Variants in PIM2 observed in about 807,000 individuals in gnomAD.
PIM2 encodes the protein Pim-2 proto-oncogene, serine/threonine kinase.
In PIM2, 3 loss-of-function variants were observed where a neutral mutation model predicts 18.0. The ratio of observed to expected loss-of-function variants is 0.17; its 90% confidence interval spans 0.08 to 0.43. PIM2 has a LOEUF of 0.43. Among genes scored for constraint, PIM2 ranks in the 20% least tolerant of loss-of-function variants. The pLI is 0.99. For synonymous variants in PIM2, 117 were observed against 105.3 expected, an observed-to-expected ratio of 1.11 and a Z score of -0.68; for missense variants, 181 against 260.8, an observed-to-expected ratio of 0.69 and a Z score of 2.11.
rs782627335 is a variant in PIM2 at position 48,914,281 on chromosome X, T to G, written c.786A>C (p.Leu262=). ...PAHVSPDCCA[L]IRRCLAPKPS... ...GTTTGGGGGCCAGGCACCGGCGGAT[T>G]AGGGCACAGCAGTCTGTAGGCCAAG... The change falls in exon 6 of 6, where the codon CTA becomes CTC. Residue 262 remains leucine, a synonymous_variant. Transcript: ENST00000376509. 9 of 1,210,015 alleles carry G rather than the reference T, an allele frequency of 7.4e-6. No homozygotes were observed. In the South Asian group the frequency reaches 1.6e-4, roughly 21 times the overall value.
Position 48,915,223 on chromosome X carries a change from T to G in PIM2, c.392A>C (p.Glu131Ala), listed in dbSNP as rs1557045109. 3 of 1,212,246 alleles carry G rather than the reference T, an allele frequency of 2.5e-6. No homozygotes were observed. The highest frequency in any genetic ancestry group is 3.4e-6 in the Non-Finnish European group (3 of 895,521). ...PAQDLFDYIT[E>A]KGPLGEGPSR... Reference sequence around the variant, plus strand: ...TGGGCCTTCACCCAGTGGGCCCTTCTCTGTGATATAGTCAAAGAGATCCTG... The same window carrying G: ...TGGGCCTTCACCCAGTGGGCCCTTCGCTGTGATATAGTCAAAGAGATCCTG... The change falls in exon 4 of 6, where the codon GAG becomes GCG. Residue 131 changes from glutamate (E) to alanine (A), a missense_variant. By Grantham distance (107) the Glu-to-Ala change is moderately radical. Coordinates refer to ENST00000376509, the MANE Select transcript of PIM2 (RefSeq NM_006875.4).
chrX:48,915,051 C>A lies in PIM2; in HGVS notation c.564G>T (p.Leu188=). The A allele has an allele frequency of 8.3e-7, 1 of 1,208,032 alleles. No homozygotes were observed. The highest frequency in any genetic ancestry group is 1.1e-6 in the Non-Finnish European group (1 of 892,595). ...AGTCAGTGTAGGGTTCATCATGAAG[C>A]AGGGCACCAGAACCAAAATCAATGA... The part of the protein sequence containing the change: ...AKLIDFGSGA[L]LHDEPYTDFD... Residue 188 remains leucine (L), a synonymous_variant, in exon 4 of 6, where the codon CTG becomes CTT. Transcript: ENST00000376509.
At chrX:48,916,448 A>T (rs1231323526) in intron 3 of PIM2, among the ~76,000 whole-genome samples, 1 of 112,914 alleles carries the variant, frequency 8.9e-6, no homozygotes, top group Non-Finnish European at 1.9e-5. Context: ...GCAGTGGCTC[A>T]CGCCTGTAAT....
At chrX:48,916,014 C>T (rs1429407851) in intron 3 of PIM2, among the ~76,000 whole-genome samples, 1 of 112,734 alleles carries the variant, frequency 8.9e-6, no homozygotes, top group Admixed American at 9.3e-5. Context: ...TAGAATAGTA[C>T]CTTACACAGG....
At chrX:48,914,895 C>T in intron 4 of PIM2, 125 bp downstream of exon 4, 2 of 615,476 alleles carry the variant, frequency 3.2e-6, no homozygotes, top group Non-Finnish European at 5.0e-6. Flanking sequence ...CCAGTATTAG[C>T]AATCGATCAT....
Position 48,914,261 on chromosome X carries a change from G to T in PIM2, c.806C>A (p.Pro269His). The change falls in exon 6 of 6, where the codon CCC becomes CAC. Residue 269 changes from proline (P) to histidine (H), a missense_variant. By Grantham distance (77) the Pro-to-His change is moderately conservative. Around this residue, in one of 5 missense-constraint regions of PIM2, gnomAD observed 41 missense variants for 52.0 expected, o/e 0.79. Coordinates refer to ENST00000376509, the MANE Select transcript of PIM2 (RefSeq NM_006875.4). ...CAGTGAGGGTCGGGAAGAAGGTTTG[G>T]GGGCCAGGCACCGGCGGATTAGGGC... ...CCALIRRCLA[P>H]KPSSRPSLEE... 8.3e-7 allele frequency: 1 copy of T among 1,209,342 alleles called. No homozygotes were observed.
rs1220899756 is a variant in PIM2, at chrX:48,914,153, A to G, written c.914T>C (p.Leu305Ser). Reference sequence around the variant, plus strand: ...GGCTTAGGGTAGCAAGGACCAGGCCAAAGGGGCAGGGCCTCCTTTGGAGGG... The same window carrying G: ...GGCTTAGGGTAGCAAGGACCAGGCCGAAGGGGCAGGGCCTCCTTTGGAGGG... The part of the protein sequence containing the change: ...LNPSKGGPAP[L>S]AWSLLP The change falls in exon 6 of 6, where the codon TTG becomes TCG. Residue 305 changes from leucine (L) to serine (S), a missense_variant. Leu to Ser is a moderately radical substitution (Grantham distance 145, BLOSUM62 -2). Transcript: ENST00000376509. The G allele has an allele frequency of 8.7e-7, 1 of 1,147,223 alleles. No homozygotes were observed. Among genetic ancestry groups the G allele is most frequent in the Non-Finnish European group, 1.2e-6 (1 of 865,499 alleles). 94.5% of individuals were successfully genotyped at this position (1,147,223 alleles called of 1,213,427 possible). A position where few individuals can be genotyped will look rare whatever the true frequency, so the allele number is the denominator to read the frequency against.
rs1557044937 is a variant in PIM2 at position 48,914,204 on chromosome X, G to A, written c.863C>T (p.Thr288Ile). Residue 288 changes from threonine (T) to isoleucine (I), a missense_variant, in exon 6 of 6, where the codon ACA becomes ATA. Coordinates refer to ENST00000376509, the MANE Select transcript of PIM2 (RefSeq NM_006875.4). Reference protein sequence around the residue: ...EEILLDPWMQTPAEDVPLNPS... With the variant: ...EEILLDPWMQIPAEDVPLNPS... The stretch of plus-strand genomic sequence containing the variant: ...GTTGAGGGGTACATCCTCGGCTGGT[G>A]TTTGCATCCAGGGGTCCAGCAGGAT... 3.4e-6 allele frequency: 4 copies of A among 1,190,345 alleles called. No individual in the cohort carries two copies. The highest frequency in any genetic ancestry group is 4.5e-6 in the Non-Finnish European group (4 of 885,226).
chrX:48,918,983 G>C lies in PIM2; in HGVS notation c.-149C>G. The C allele has an allele frequency of 2.1e-6, 1 of 472,870 alleles. No individual in the cohort carries two copies. The allele number at this position is 472,870 out of a possible 1,213,427, so 39.0% of individuals were successfully genotyped here. On this transcript the variant is annotated 5_prime_UTR_variant, in exon 1 of 6. Transcript: ENST00000376509. ...TGGCCCGGAAGCGCCCGCAGACGGCGCAGCGTTGAGATTCGCCGCGCGCGC... is the reference window on the plus strand; with the variant it reads ...TGGCCCGGAAGCGCCCGCAGACGGCCCAGCGTTGAGATTCGCCGCGCGCGC...
rs782705507 is a variant in PIM2, at chrX:48,915,203, C to T, written c.412G>A (p.Gly138Ser). 5.8e-6 allele frequency: 7 copies of T among 1,211,038 alleles called. No homozygotes were observed. The Admixed American group carries it at 1.5e-4, about 26-fold the overall frequency. Reference protein sequence around the residue: ...YITEKGPLGEGPSRCFFGQVV... With the variant: ...YITEKGPLGESPSRCFFGQVV... ...TGGCCAAAGAAGCAGCGGCTTGGGCCTTCACCCAGTGGGCCCTTCTCTGTG... is the reference window on the plus strand; with the variant it reads ...TGGCCAAAGAAGCAGCGGCTTGGGCTTTCACCCAGTGGGCCCTTCTCTGTG... The change falls in exon 4 of 6, where the codon GGC becomes AGC. Residue 138 changes from glycine to serine, a missense_variant. This residue lies in a region of PIM2 where 104 missense variants were observed against 125.3 expected (regional missense o/e 0.83). Transcript: ENST00000376509.
intron 3 of PIM2, among the ~76,000 whole-genome samples, chrX:48,916,870 T>C (rs782459487): frequency 1.2e-3 from 117 of 101,573 alleles, no homozygotes; most frequent in Non-Finnish European, 2.0e-3. Flanking sequence ...AAGTCATAAA[T>C]GCAGCCGGGC....
intron 2 of PIM2, 128 bp downstream of exon 2, chrX:48,918,408 C>G (rs1444063035): frequency 9.0e-6 from 4 of 446,246 alleles, no homozygotes; most frequent in East Asian, 4.3e-5. Context: ...GACACGGACA[C>G]ACACACACAC....
chrX:48,914,598 A>G, intron 4 of PIM2, 27 bp from the exon 5 acceptor site: 3 of 1,167,213 alleles, frequency 2.6e-6, no homozygotes, highest in East Asian at 3.0e-5. Context: ...GGTTAGACCA[A>G]CTCAATCTCA....
In PIM2 at chrX:48,915,309, C is replaced by A; in HGVS notation, c.306G>T (p.Leu102=). 1 of 1,211,515 alleles carries A rather than the reference C, an allele frequency of 8.3e-7. No homozygotes were observed. The highest frequency in any genetic ancestry group is 2.2e-5 in the Admixed American group (1 of 46,041). ...AGGGHPGVIR[L]LDWFETQEGF... ...CCTCCTGTGTCTCAAACCAGTCAAG[C>A]AGGCGGATCACGCCAGGGTGCCCAC... Residue 102 remains leucine (L), a synonymous_variant, in exon 4 of 6, where the codon CTG becomes CTT. Transcript: ENST00000376509.
chrX:48,916,597 C>T (rs1397049387), intron 3 of PIM2, among the ~76,000 whole-genome samples: 1 of 112,329 alleles, frequency 8.9e-6, no homozygotes, highest in Non-Finnish European at 1.9e-5. Flanking sequence ...GCCTGTAATC[C>T]CAGCACTTTG....
chrX:48,916,809 C>CT (rs782088352), intron 3 of PIM2, among the ~76,000 whole-genome samples: 2 of 108,631 alleles, frequency 1.8e-5, no homozygotes, highest in South Asian at 4.0e-4. Flanking sequence ...GATCACGCCA[C>CT]TGCACTCCAG....
chrX:48,914,567 T>C lies in PIM2; in HGVS notation c.600A>G (p.Thr200=), dbSNP rs1557045017. 8.3e-7 allele frequency: 1 copy of C among 1,206,292 alleles called. No individual in the cohort carries two copies. Among genetic ancestry groups the C allele is most frequent in the Admixed American group, 2.2e-5 (1 of 45,393 alleles). ...HDEPYTDFDG[T]RVYSPPEWIS... ...TCCACTCTGGGGGGCTGTACACCCT[T>C]GTCCCTGCACACAAGCCAGGGGTTA... The change falls in exon 5 of 6, where the codon ACA becomes ACG. Residue 200 remains threonine, a synonymous_variant. Coordinates refer to ENST00000376509, the MANE Select transcript of PIM2 (RefSeq NM_006875.4).
chrX:48,915,651 T>A, intron 3 of PIM2: 1 of 312,572 alleles, frequency 3.2e-6, no homozygotes, highest in South Asian at 5.6e-5. Context: ...ACGAAAGAAG[T>A]TCGGCCAGGC....
At chrX:48,915,565 C>T (rs192847418) in intron 3 of PIM2, 173 bp from the exon 4 acceptor site, 1 of 452,286 alleles carries the variant, frequency 2.2e-6, no homozygotes, top group East Asian at 3.8e-5. Flanking sequence ...CAAACTCACA[C>T]AGCGATTGAG....
Sources: allele counts gnomAD v4.1 joint callset (sites outside exome capture counted in the v4.1 genomes callset), GRCh38; gene constraint gnomAD v4.1.1; regional missense constraint gnomAD v4.1.1; transcripts MANE v1.5; gene names NCBI Gene and HGNC (gene_info 2026-07-23, HGNC 2026-07-21).